Variants in TSPAN1 observed in about 807,000 individuals in gnomAD.
TSPAN1 encodes tetraspanin 1.
Under a neutral mutation model 26.9 loss-of-function variants are expected in TSPAN1, and 23 were observed. The observed-to-expected ratio is 0.85, with a 90% CI of 0.62 to 1.21. The LOEUF is 1.21. Among genes scored for constraint, TSPAN1 ranks in the 50% most tolerant of loss-of-function variants. The pLI, the probability that TSPAN1 is intolerant of heterozygous loss-of-function variation, is 0.00. For synonymous variants in TSPAN1, 115 were observed against 114.8 expected (o/e 1.00, Z -0.01); for missense variants, 283 against 298.4 (o/e 0.95, Z 0.38).
At chr1:46,196,083 C>T in the TSPAN1 span, 4 of 1,613,974 alleles carry the variant, frequency 2.5e-6, no homozygotes, top group South Asian at 4.4e-5. This position sits in a 1 kb window ranked among gnomAD's most constrained non-coding sequence, Gnocchi z 4.4. Flanking sequence ...AGCACCTACA[C>T]AGTGGCAGAG....
At chr1:46,194,069 C>A in the TSPAN1 span, 1 of 1,539,634 alleles carries the variant, frequency 6.5e-7, no homozygotes, top group Non-Finnish European at 8.8e-7. Flanking sequence ...CTGGGCTCTC[C>A]ACACACTCAG....
the TSPAN1 span, chr1:46,193,100 C>T: frequency 1.9e-6 from 3 of 1,608,746 alleles, no homozygotes; most frequent in African/African-American, 4.0e-5. Flanking sequence ...GAAGAGCTTG[C>T]CACGTAACAG....
chr1:46,179,878 T>G (rs1185333185), intron 1 of TSPAN1, among the ~76,000 whole-genome samples: 1 of 152,116 alleles, frequency 6.6e-6, no homozygotes, highest in Non-Finnish European at 1.5e-5. Flanking sequence ...TTAGGAACTA[T>G]TTGCTACTCG....
chr1:46,176,093 T>C (rs1255688198), intron 1 of TSPAN1: 23 of 939,828 alleles, frequency 2.4e-5, no homozygotes, highest in Middle Eastern at 2.9e-4. Context: ...GCCAGGATGG[T>C]CTCGATCTCC....
chr1:46,189,109 A>T, downstream of TSPAN1: 1 of 1,497,506 alleles, frequency 6.7e-7, no homozygotes, highest in Non-Finnish European at 8.9e-7. Context: ...GGGGTGTTGG[A>T]GCAGGGGAAC....
chr1:46,181,253 CT>C, intron 3 of TSPAN1, 89 bp downstream of exon 3: 1 of 1,332,362 alleles, frequency 7.5e-7, no homozygotes, highest in Non-Finnish European at 1.1e-6. Flanking sequence ...TGGGAGACTG[CT>C]ATGCCCAGGC....
At chr1:46,182,827 G>A (rs535722815) in intron 3 of TSPAN1, among the ~76,000 whole-genome samples, 1 of 152,146 alleles carries the variant, frequency 6.6e-6, no homozygotes, top group African/African-American at 2.4e-5. Context: ...TTGTTTCTTT[G>A]AGACAGGATC....
downstream of TSPAN1, chr1:46,190,651 A>T (rs1467675450): frequency 2.6e-6 from 4 of 1,546,562 alleles, no homozygotes; most frequent in Non-Finnish European, 3.6e-6. Context: ...CCAGCATTGG[A>T]AGGGACTTTC....
At chr1:46,194,498 C>T in the TSPAN1 span, 1 of 1,614,158 alleles carries the variant, frequency 6.2e-7, no homozygotes, top group African/African-American at 1.3e-5. Flanking sequence ...ACAGAGAGAT[C>T]TAAATGCCCA....
the TSPAN1 span, chr1:46,192,053 T>C: frequency 6.3e-7 from 1 of 1,586,654 alleles, no homozygotes; most frequent in Non-Finnish European, 8.6e-7. Flanking sequence ...TTCTTGTTCT[T>C]GACTGTCATG....
Position 46,181,057 on chromosome 1 carries a change from C to T in TSPAN1, c.-8-43C>T, listed in dbSNP as rs374939089. On this transcript the variant is annotated intron_variant, in intron 2 of 8. Transcript: ENST00000372003. ...GAAGCCAGGGCCAGCCCAGGTGGGCCCAGGGGAAACAAGGCCCTAACTTGC... is the reference window on the plus strand; with the variant it reads ...GAAGCCAGGGCCAGCCCAGGTGGGCTCAGGGGAAACAAGGCCCTAACTTGC... 3.6e-5 allele frequency: 58 copies of T among 1,594,640 alleles called. No individual in the cohort carries two copies. The African/African-American group carries it at 6.7e-4, about 18-fold the overall frequency.
chr1:46,184,186 C>A lies in TSPAN1; in HGVS notation c.58-5C>A, dbSNP rs200085222. The A allele has an allele frequency of 3.7e-6, 6 of 1,614,112 alleles. No homozygotes were observed. Among genetic ancestry groups the A allele is most frequent in the Non-Finnish European group, 5.1e-6 (6 of 1,179,986 alleles). The stretch of plus-strand genomic sequence containing the variant: ...TTAAGGCCTGCCTGACCTCTCTCTC[C>A]CCAGCTGTGTGGTGCAGCCCTGTTG... On this transcript the variant is annotated splice_region_variant and splice_polypyrimidine_tract_variant and intron_variant, in intron 3 of 8. Coordinates refer to ENST00000372003, the MANE Select transcript of TSPAN1 (RefSeq NM_005727.4).
rs1014525306 is a variant in TSPAN1, at chr1:46,175,416, A to G, written c.-142+7A>G. 1.8e-5 allele frequency: 7 copies of G among 393,010 alleles called. No homozygotes were observed. The highest frequency in any genetic ancestry group is 3.6e-5 in the East Asian group (1 of 27,742). The allele number at this position is 393,010 out of a possible 1,614,324, so 24.3% of individuals were successfully genotyped here. On this transcript the variant is annotated splice_region_variant and intron_variant, in intron 1 of 8. Transcript: ENST00000372003. ...GTCACTGAAGCCTTTCCCTGTAAGT[A>G]TTCAGCCATAACCCTCCCCTCACGC...
At chr1:46,195,722 A>G in the TSPAN1 span, 317 of 1,162,010 alleles carry the variant, frequency 2.7e-4, no homozygotes, top group Non-Finnish European at 3.5e-4. Context: ...GAATCTTCCC[A>G]CTATGTTATA....
At chr1:46,189,651 C>A (rs1191541352), downstream of TSPAN1, 2 of 1,557,326 alleles carry the variant, frequency 1.3e-6, no homozygotes, top group Admixed American at 3.9e-5. Context: ...CCAGCCCCCA[C>A]CCCTCCTCAG....
rs1158160467 is a variant in TSPAN1, at chr1:46,180,610, GC to G, written c.-55del. On this transcript the variant is annotated 5_prime_UTR_variant, in exon 2 of 9. It introduces an in-frame stop codon into an upstream open reading frame of the 5' UTR. Coordinates refer to ENST00000372003, the MANE Select transcript of TSPAN1 (RefSeq NM_005727.4). ...CGGGAGCTGTTTTGTCCTTTGTGGA[GC>G]CTCAGCAGTTCCCTCTTTCAGAACT... The G allele has an allele frequency of 1.3e-5, 2 of 153,444 alleles. No homozygotes were observed. The highest frequency in any genetic ancestry group is 4.8e-5 in the African/African-American group (2 of 41,476). The allele number at this position is 153,444 out of a possible 1,614,324, so 9.5% of individuals were successfully genotyped here.
At chr1:46,189,540 G>A (rs886044567), downstream of TSPAN1, 10 of 1,612,512 alleles carry the variant, frequency 6.2e-6, no homozygotes, top group African/African-American at 2.7e-5. Context: ...TGGTTGCCAC[G>A]CACATCCAGG....
chr1:46,194,967 G>A, the TSPAN1 span: 1 of 1,613,942 alleles, frequency 6.2e-7, no homozygotes, highest in African/African-American at 1.3e-5. Context: ...TCATCCTGGG[G>A]GACCAGAGAA....
downstream of TSPAN1, among the ~76,000 whole-genome samples, chr1:46,186,990 T>C (rs992519518): frequency 4.6e-5 from 7 of 152,088 alleles, no homozygotes; most frequent in Admixed American, 2.0e-4. Context: ...ATATTTTTAG[T>C]AGAGACAGGG....
Sources: allele counts gnomAD v4.1 joint callset (sites outside exome capture counted in the v4.1 genomes callset), GRCh38; gene constraint gnomAD v4.1.1; non-coding constraint Gnocchi (gnomAD v3.1); transcripts MANE v1.5; gene names NCBI Gene and HGNC (gene_info 2026-07-23, HGNC 2026-07-21).